Variants in WNT6 observed in about 807,000 individuals in gnomAD.
WNT6 encodes the protein protein Wnt-6.
WNT6 carries 27 observed loss-of-function variants against 33.1 expected under a neutral mutation model. The ratio of observed to expected loss-of-function variants is 0.82; its 90% confidence interval spans 0.60 to 1.12. The LOEUF is 1.12. Ranked by LOEUF, WNT6 falls within the 50% of genes most tolerant of loss-of-function variation. The pLI is 0.00. For synonymous variants in WNT6, 249 were observed against 242.8 expected, an observed-to-expected ratio of 1.03 and a Z score of -0.24; for missense variants, 494 against 535.3, an observed-to-expected ratio of 0.92 and a Z score of 0.76.
intron 1 of WNT6, among the ~76,000 whole-genome samples, chr2:218,869,315 C>T (rs1236930341): frequency 6.6e-6 from 1 of 152,156 alleles, no homozygotes; most frequent in African/African-American, 2.4e-5. Flanking sequence ...CTTCCTGTAC[C>T]ACCTCTTCAA....
chr2:218,872,047 T>C (rs970096802), intron 3 of WNT6, among the ~76,000 whole-genome samples: 5 of 151,844 alleles, frequency 3.3e-5, no homozygotes, highest in Non-Finnish European at 7.4e-5. Flanking sequence ...GAAGGCCAGA[T>C]GCTGGACGGT....
At position 218,871,019 on chromosome 2, in the gene WNT6, CT is replaced by C; in HGVS notation, c.81-5del. 6.3e-7 allele frequency: 1 copy of C among 1,593,090 alleles called. No individual in the cohort carries two copies. Among genetic ancestry groups the C allele is most frequent in the East Asian group, 2.3e-5 (1 of 44,384 alleles). On this transcript the variant is annotated splice_region_variant and splice_polypyrimidine_tract_variant and intron_variant, in intron 1 of 3. Transcript: ENST00000233948. This position sits in a 1 kb window ranked among gnomAD's most constrained non-coding sequence, Gnocchi z 6.4. ...TACACCCCTGACCTGCTATTCTCTG[CT>C]TTCCAGGGCTGTGGGCAGCCCCTTG...
At position 218,873,592 on chromosome 2, in the gene WNT6, C is replaced by G; in HGVS notation, c.845C>G (p.Ala282Gly). The change falls in exon 4 of 4, where the codon GCG becomes GGG. Residue 282 changes from alanine to glycine, a missense_variant. Transcript: ENST00000233948. This position sits in a 1 kb window ranked among gnomAD's most constrained non-coding sequence, Gnocchi z 6.1. ...AVRTLKPPGR[A>G]DLLYAADSPD... Reference sequence around the variant, plus strand: ...CGCACGCTCAAGCCGCCGGGCCGAGCGGACCTCCTCTACGCCGCCGATTCG... The same window carrying G: ...CGCACGCTCAAGCCGCCGGGCCGAGGGGACCTCCTCTACGCCGCCGATTCG... 6.4e-7 allele frequency: 1 copy of G among 1,550,528 alleles called. No homozygotes were observed. The highest frequency in any genetic ancestry group is 8.7e-7 in the Non-Finnish European group (1 of 1,152,726).
chr2:218,864,556 C>T (rs867877355), intron 1 of WNT6, among the ~76,000 whole-genome samples: 2 of 152,166 alleles, frequency 1.3e-5, no homozygotes, highest in South Asian at 2.1e-4. Context: ...CGTGAGCCAC[C>T]GCGCCCAGCC....
chr2:218,872,265 T>C (rs1014181584), intron 3 of WNT6, among the ~76,000 whole-genome samples: 2 of 151,938 alleles, frequency 1.3e-5, no homozygotes, highest in African/African-American at 2.4e-5. Context: ...GTCTGGGGTT[T>C]TGGTACAGGG....
chr2:218,866,162 C>A (rs1944353008), intron 1 of WNT6, among the ~76,000 whole-genome samples: 1 of 152,180 alleles, frequency 6.6e-6, no homozygotes, highest in African/African-American at 2.4e-5. Context: ...CCCTGTGCAA[C>A]CCCCACCCAC....
chr2:218,861,275 C>T (rs1944308202), intron 1 of WNT6, among the ~76,000 whole-genome samples: 1 of 152,192 alleles, frequency 6.6e-6, no homozygotes, highest in South Asian at 2.1e-4. Context: ...AAAGGGCGAA[C>T]CGAGGACGAC....
In WNT6 at chr2:218,871,279, G is replaced by A. The variant is rs1944398142; in HGVS notation, c.301+32G>A. 1.3e-6 allele frequency: 2 copies of A among 1,582,664 alleles called. No individual in the cohort carries two copies. Among genetic ancestry groups the A allele is most frequent in the Non-Finnish European group, 1.7e-6 (2 of 1,160,388 alleles). On this transcript the variant is annotated intron_variant, in intron 2 of 3. Transcript: ENST00000233948. The surrounding 1 kb of genome is among the most constrained non-coding windows in gnomAD (Gnocchi z 6.4). ...GTGGGGAGGGGGCGGAAGTGGGGCT[G>A]CTTTCTCCCTGCTGTGGGACCCGAG...
At chr2:218,866,123 G>T (rs1468056091) in intron 1 of WNT6, among the ~76,000 whole-genome samples, 1 of 152,022 alleles carries the variant, frequency 6.6e-6, no homozygotes, top group Non-Finnish European at 1.5e-5. Context: ...ACATTTTTCT[G>T]CCCCTTCTCC....
intron 1 of WNT6, among the ~76,000 whole-genome samples, chr2:218,863,090 C>T (rs1172321492): frequency 6.6e-6 from 1 of 152,182 alleles, no homozygotes; most frequent in Non-Finnish European, 1.5e-5. Flanking sequence ...CACTCCTGAG[C>T]TCTCCCCACC....
rs1944403465 is a variant in WNT6, at chr2:218,871,704, A to C, written c.521A>C (p.Asp174Ala). The C allele has an allele frequency of 6.3e-6, 10 of 1,584,404 alleles. No individual in the cohort carries two copies. The highest frequency in any genetic ancestry group is 8.6e-6 in the Non-Finnish European group (10 of 1,166,624). Residue 174 changes from aspartate to alanine, a missense_variant, in exon 3 of 4, where the codon GAC becomes GCC. Asp to Ala is a moderately radical substitution (Grantham distance 126). Transcript: ENST00000233948. The surrounding 1 kb of genome is among the most constrained non-coding windows in gnomAD (Gnocchi z 6.4). Reference protein sequence around the residue: ...SAAWEWGGCGDDVDFGDEKSR... With the variant: ...SAAWEWGGCGADVDFGDEKSR... ...GCCTGGGAGTGGGGAGGCTGCGGCG[A>C]CGACGTGGACTTCGGGGACGAGAAG...
intron 1 of WNT6, among the ~76,000 whole-genome samples, chr2:218,862,541 A>G (rs867253479): frequency 2.0e-5 from 3 of 151,656 alleles, no homozygotes; most frequent in South Asian, 2.1e-4. Flanking sequence ...AGGTTTCACC[A>G]TGTTTAGTAG....
At chr2:218,866,381 G>A (rs1944354905) in intron 1 of WNT6, among the ~76,000 whole-genome samples, 1 of 152,184 alleles carries the variant, frequency 6.6e-6, no homozygotes, top group East Asian at 1.9e-4. Flanking sequence ...GGGTGCATTT[G>A]GTCCAGGAGC....
chr2:218,871,365 G>A lies in WNT6; in HGVS notation c.301+118G>A. The stretch of plus-strand genomic sequence containing the variant: ...CCACTTCCCCCTCACATGTGTCTGG[G>A]CACCCTGCAAGGACCCTGCCTCCCA... On this transcript the variant is annotated intron_variant, in intron 2 of 3. Transcript: ENST00000233948. This position sits in a 1 kb window ranked among gnomAD's most constrained non-coding sequence, Gnocchi z 6.4. The A allele has an allele frequency of 6.7e-7, 1 of 1,483,238 alleles. No homozygotes were observed. The highest frequency in any genetic ancestry group is 9.1e-7 in the Non-Finnish European group (1 of 1,092,948). 91.9% of individuals were successfully genotyped at this position (1,483,238 alleles called of 1,614,324 possible).
chr2:218,862,728 C>T (rs756963308), intron 1 of WNT6, among the ~76,000 whole-genome samples: 77 of 151,240 alleles, frequency 5.1e-4, no homozygotes, highest in African/African-American at 1.7e-3. Context: ...TTTTTTGAGA[C>T]GGAGTCTCGT....
chr2:218,865,939 G>A (rs941583356), intron 1 of WNT6, among the ~76,000 whole-genome samples: 1 of 151,924 alleles, frequency 6.6e-6, no homozygotes, highest in African/African-American at 2.4e-5. Flanking sequence ...GGTGGCTGGG[G>A]GGGCAGTGGG....
At position 218,871,474 on chromosome 2, in the gene WNT6, T is replaced by A; in HGVS notation, c.302-11T>A. 6.3e-7 allele frequency: 1 copy of A among 1,596,582 alleles called. No individual in the cohort carries two copies. The highest frequency in any genetic ancestry group is 1.1e-5 in the South Asian group (1 of 90,824). On this transcript the variant is annotated splice_polypyrimidine_tract_variant and intron_variant, in intron 2 of 3. Transcript: ENST00000233948. This position sits in a 1 kb window ranked among gnomAD's most constrained non-coding sequence, Gnocchi z 6.4. The stretch of plus-strand genomic sequence containing the variant: ...CCAGCCCGCGCTGATTGCACCTGTC[T>A]GCATTCACAGACATTCGGGAGACGG...
intron 1 of WNT6, among the ~76,000 whole-genome samples, chr2:218,860,384 GAA>G (rs1335504910): frequency 6.6e-6 from 1 of 152,336 alleles, no homozygotes; most frequent in Admixed American, 6.5e-5. Context: ...GAGTGGGTAG[GAA>G]AGATCTTTCG....
At chr2:218,861,626 T>C (rs1017752805) in intron 1 of WNT6, among the ~76,000 whole-genome samples, 5 of 151,910 alleles carry the variant, frequency 3.3e-5, no homozygotes, top group African/African-American at 1.2e-4. Context: ...CCAAGGAAAA[T>C]GTTGTAAAGG....
Sources: allele counts gnomAD v4.1 joint callset (sites outside exome capture counted in the v4.1 genomes callset), GRCh38; gene constraint gnomAD v4.1.1; non-coding constraint Gnocchi (gnomAD v3.1); transcripts MANE v1.5; gene names NCBI Gene and HGNC (gene_info 2026-07-23, HGNC 2026-07-21).